Variants in SNRPN observed in about 807,000 individuals in gnomAD.
The protein encoded by SNRPN is small nuclear ribonucleoprotein-associated protein N.
In SNRPN, 7 loss-of-function variants were observed where a neutral mutation model predicts 25.2. That is an observed-to-expected ratio of 0.28 (90% CI 0.16 to 0.52). The LOEUF (loss-of-function observed/expected upper bound fraction) is 0.52, where lower values mean the gene tolerates loss of function less well. Among genes scored for constraint, SNRPN ranks in the 20% least tolerant of loss-of-function variants. The pLI, the probability that SNRPN is intolerant of heterozygous loss-of-function variation, is 0.96. For missense variants in SNRPN, 196 were observed against 322.5 expected (o/e 0.61, Z 3.00); for synonymous variants, 124 against 110.6 (o/e 1.12, Z -0.76).
intron 2 of SNRPN, among the ~76,000 whole-genome samples, chr15:24,916,761 GGTGGGTTT>G (rs1242742620): frequency 2.0e-5 from 3 of 152,132 alleles, no homozygotes; most frequent in African/African-American, 7.2e-5. Flanking sequence ...GGTTCCTTCC[GGTGGGTTT>G]GTGGGTTTGT....
chr15:24,891,639 T>C (rs2057687150), intron 2 of SNRPN, among the ~76,000 whole-genome samples: 1 of 152,284 alleles, frequency 6.6e-6, no homozygotes, highest in Middle Eastern at 3.4e-3. Context: ...TGTTTCACCA[T>C]GTTGATCAGG....
At chr15:24,862,702 C>G (rs2054098295) in intron 1 of SNRPN, among the ~76,000 whole-genome samples, 1 of 150,882 alleles carries the variant, frequency 6.6e-6, no homozygotes, top group African/African-American at 2.5e-5. Flanking sequence ...AAGAGCTGCC[C>G]TTAGGAACTC....
intron 1 of SNRPN, among the ~76,000 whole-genome samples, chr15:24,958,486 G>GTTTTTTTTTTTTTTTT (rs71127030): frequency 3.1e-5 from 2 of 65,284 alleles, no homozygotes; most frequent in Non-Finnish European, 5.4e-5. Flanking sequence ...CTGGCTCAAA[G>GTTTTTTTTTTTTTTTT]TTTTTTTTTT....
At chr15:24,844,911 T>C (rs2052050353) in intron 2 of SNRPN, among the ~76,000 whole-genome samples, 1 of 152,246 alleles carries the variant, frequency 6.6e-6, no homozygotes, top group African/African-American at 2.4e-5. Flanking sequence ...TTACCTACAG[T>C]ATTTTCCTTA....
intron 1 of SNRPN, among the ~76,000 whole-genome samples, chr15:24,862,055 G>A (rs551291696): frequency 1.3e-5 from 2 of 151,000 alleles, no homozygotes; most frequent in African/African-American, 2.5e-5. Flanking sequence ...TGCTGCAGGC[G>A]ATCCTGTAAG....
At chr15:24,833,836 T>A (rs763640373) in intron 2 of SNRPN, among the ~76,000 whole-genome samples, 2 of 152,078 alleles carry the variant, frequency 1.3e-5, no homozygotes. Context: ...ACGGTAGGTG[T>A]GTCTGGGCTG....
intron 1 of SNRPN, among the ~76,000 whole-genome samples, chr15:24,881,591 G>C (rs1441103565): frequency 1.0e-4 from 5 of 48,486 alleles, no homozygotes; most frequent in Admixed American, 2.5e-4. Context: ...GAGGGAGAGA[G>C]AGAGAGAGAG....
intron 1 of SNRPN, among the ~76,000 whole-genome samples, chr15:24,870,180 T>C (rs1365796055): frequency 6.6e-6 from 1 of 152,174 alleles, no homozygotes; most frequent in Non-Finnish European, 1.5e-5. Flanking sequence ...ATTGTGTTTA[T>C]TTCGTGCCCA....
At chr15:24,853,168 C>A (rs184018875), upstream of SNRPN, among the ~76,000 whole-genome samples, 14 of 152,184 alleles carry the variant, frequency 9.2e-5, no homozygotes, top group East Asian at 9.7e-4. Context: ...TAGTGTGTTA[C>A]GCTTGTTACA....
At chr15:24,848,678 T>C (rs1350268899) in intron 2 of SNRPN, 1 of 152,192 alleles carries the variant, frequency 6.6e-6, no homozygotes, top group Non-Finnish European at 1.5e-5. Flanking sequence ...CTGAACTGAT[T>C]ATCGTTTTGT....
chr15:24,887,250 C>G (rs754781689), intron 2 of SNRPN, among the ~76,000 whole-genome samples: 3 of 151,010 alleles, frequency 2.0e-5, no homozygotes, highest in Non-Finnish European at 4.4e-5. Flanking sequence ...CGAGTTCAAG[C>G]GATTCTCCTG....
intron 2 of SNRPN, among the ~76,000 whole-genome samples, chr15:24,913,413 T>C (rs2059335508): frequency 6.6e-6 from 1 of 151,982 alleles, no homozygotes; most frequent in African/African-American, 2.4e-5. Context: ...GACGACAAGG[T>C]GGGCAGATCA....
upstream of SNRPN, chr15:24,852,337 T>C (rs1370223954): frequency 6.6e-6 from 1 of 152,218 alleles, no homozygotes; most frequent in African/African-American, 2.4e-5. Context: ...TTTAATTTGC[T>C]CTTCTTTTTC....
intron 1 of SNRPN, among the ~76,000 whole-genome samples, chr15:24,872,746 C>T (rs1237983037): frequency 3.4e-5 from 2 of 59,310 alleles, no homozygotes; most frequent in Non-Finnish European, 6.2e-5. Flanking sequence ...AACTCCGTCT[C>T]GAAAAAAAAA....
chr15:24,895,400 A>AACACAC (rs10558727), intron 2 of SNRPN, among the ~76,000 whole-genome samples: 466 of 147,328 alleles, frequency 3.2e-3, no homozygotes, highest in Non-Finnish European at 4.9e-3. Flanking sequence ...AATACACCCA[A>AACACAC]ACACACACAC....
Position 24,834,728 on chromosome 15 carries a change from C to CTCTCTCTCTCTCTCTCTCT in SNRPN, c.-579+4823_-579+4824insTCTCTCTCTCTCTCTCTCT, listed in dbSNP as rs2050864758. The stretch of plus-strand genomic sequence containing the variant: ...GAGTGAGACCTTGTCTCTCTCTCTC[C>CTCTCTCTCTCTCTCTCTCT]CTCTCTCTCTCTCTCTCTCTCTCTA... On this transcript the variant is annotated intron_variant, in intron 2 of 12. Transcript: ENST00000400100. Among the ~76,000 whole-genome samples, 30 of 42,802 alleles carry CTCTCTCTCTCTCTCTCTCT rather than the reference C, an allele frequency of 7.0e-4. 2 individuals carry two copies. The highest frequency in any genetic ancestry group is 1.9e-3 in the Admixed American group (5 of 2,674). The allele number at this position is 42,802 out of a possible 152,430, so 28.1% of individuals were successfully genotyped here. A position where few individuals can be genotyped will look rare whatever the true frequency, so the allele number is the denominator to read the frequency against.
chr15:24,869,138 G>A (rs11161148), intron 1 of SNRPN, among the ~76,000 whole-genome samples: 2 of 151,842 alleles, frequency 1.3e-5, no homozygotes, highest in Non-Finnish European at 2.9e-5. Flanking sequence ...GAGTGATACC[G>A]TGTCTCAAAA....
upstream of SNRPN, among the ~76,000 whole-genome samples, chr15:24,853,314 C>G (rs571797247): frequency 1.3e-5 from 2 of 152,204 alleles, no homozygotes; most frequent in South Asian, 4.1e-4. Flanking sequence ...TGTCATTCCT[C>G]TTTATGCTTC....
intron 1 of SNRPN, among the ~76,000 whole-genome samples, chr15:24,860,929 C>A (rs1004053266): frequency 6.6e-6 from 1 of 152,064 alleles, no homozygotes; most frequent in African/African-American, 2.4e-5. Flanking sequence ...GGTGGTTCAA[C>A]CTATTATACC....
Sources: allele counts gnomAD v4.1 joint callset (sites outside exome capture counted in the v4.1 genomes callset), GRCh38; gene constraint gnomAD v4.1.1; transcripts MANE v1.5; gene names NCBI Gene and HGNC (gene_info 2026-07-23, HGNC 2026-07-21).